Variants in PLA2G4E observed in about 807,000 individuals in gnomAD.
The protein encoded by PLA2G4E is phospholipase A2 group IVE.
In PLA2G4E, 84 loss-of-function variants were observed where a neutral mutation model predicts 109.1. That is an observed-to-expected ratio of 0.77 (90% CI 0.65 to 0.92). The LOEUF (loss-of-function observed/expected upper bound fraction) is 0.92. Ranked by LOEUF, PLA2G4E falls within the 40% of genes least tolerant of loss-of-function variation. The pLI is 0.00. For missense variants in PLA2G4E, 1,057 were observed against 1,076.6 expected (o/e 0.98, Z 0.25); for synonymous variants, 469 against 436.1 (o/e 1.08, Z -0.94).
At chr15:42,038,926 C>T (rs186295919) in intron 1 of PLA2G4E, among the ~76,000 whole-genome samples, 5 of 152,272 alleles carry the variant, frequency 3.3e-5, no homozygotes, top group Non-Finnish European at 7.3e-5. Context: ...TTGGGCTATA[C>T]GATGGGGTAT....
At chr15:42,032,786 T>A (rs572499162) in intron 1 of PLA2G4E, among the ~76,000 whole-genome samples, 3 of 152,264 alleles carry the variant, frequency 2.0e-5, no homozygotes, top group Admixed American at 6.5e-5. Context: ...AGACTAAAAA[T>A]TGTGTTTGAT....
intron 1 of PLA2G4E, among the ~76,000 whole-genome samples, chr15:42,026,122 A>G (rs895065414): frequency 9.2e-5 from 14 of 152,192 alleles, no homozygotes; most frequent in African/African-American, 3.4e-4. Context: ...CTTAATAAAT[A>G]TTCATGCATA....
intron 14 of PLA2G4E, among the ~76,000 whole-genome samples, 195 bp from the exon 15 acceptor site, chr15:41,989,747 G>A (rs571939834): frequency 8.5e-5 from 13 of 152,316 alleles, no homozygotes; most frequent in Non-Finnish European, 1.6e-4. Context: ...GCTTTGCCAT[G>A]CTTTGCAAGG....
chr15:42,003,862 C>CCTTTCTTT, intron 5 of PLA2G4E, among the ~76,000 whole-genome samples: 1 of 150,424 alleles, frequency 6.6e-6, no homozygotes, highest in East Asian at 2.0e-4. Flanking sequence ...GCGGGGGTTG[C>CCTTTCTTT]CTTTCTTTCT....
Position 42,007,689 on chromosome 15 carries a change from A to G in PLA2G4E, c.393+40T>C, listed in dbSNP as rs2141050107. On this transcript the variant is annotated intron_variant, in intron 3 of 19. Coordinates refer to ENST00000399518, the Ensembl canonical transcript of PLA2G4E. ...GACAAGTGGGCAAGAGGGGAGTAAA[A>G]TGCAGACAGGGAAGACAGGTGCAGT... is the stretch of plus-strand genomic sequence containing the variant. The G allele has an allele frequency of 5.0e-6, 8 of 1,596,480 alleles. No homozygotes were observed. In the East Asian group the frequency reaches 9.0e-5, roughly 18 times the overall value.
At chr15:42,043,564 C>CAAAAAAAAA (rs58079481) in intron 1 of PLA2G4E, among the ~76,000 whole-genome samples, 9 of 95,320 alleles carry the variant, frequency 9.4e-5, no homozygotes, top group Admixed American at 1.2e-4. Flanking sequence ...ATGGAGGATA[C>CAAAAAAAAA]AAAAAAAAAA....
chr15:41,992,083 C>T (rs1448507301), intron 13 of PLA2G4E, among the ~76,000 whole-genome samples: 1 of 152,170 alleles, frequency 6.6e-6, no homozygotes, highest in Non-Finnish European at 1.5e-5. Context: ...ATCACTGGAT[C>T]TCAGAATAGG....
intron 1 of PLA2G4E, among the ~76,000 whole-genome samples, chr15:42,036,636 T>C (rs2141074093): frequency 6.6e-6 from 1 of 152,256 alleles, no homozygotes; most frequent in Admixed American, 6.5e-5. Flanking sequence ...GGACCGCCCC[T>C]GGTTGCCAGG....
chr15:42,032,506 T>A (rs1889130680), intron 1 of PLA2G4E, among the ~76,000 whole-genome samples: 1 of 152,210 alleles, frequency 6.6e-6, no homozygotes, highest in Admixed American at 6.5e-5. Flanking sequence ...AGGCCTTGGC[T>A]CCCTACTGAC....
intron 12 of PLA2G4E, among the ~76,000 whole-genome samples, chr15:41,995,055 G>T (rs890348953): frequency 6.6e-6 from 1 of 152,246 alleles, no homozygotes; most frequent in African/African-American, 2.4e-5. Context: ...ACAGCCCCAG[G>T]GAAACAGTAA....
chr15:41,986,915 G>C (rs1036413884), intron 17 of PLA2G4E: 15 of 522,520 alleles, frequency 2.9e-5, no homozygotes, highest in Non-Finnish European at 4.8e-5. Flanking sequence ...CTACCTGCTA[G>C]GACTGTTGTA....
At chr15:42,025,302 T>A (rs570789308) in intron 1 of PLA2G4E, among the ~76,000 whole-genome samples, 13 of 152,244 alleles carry the variant, frequency 8.5e-5, no homozygotes, top group African/African-American at 3.1e-4. Context: ...AAAACAAACC[T>A]GAGAGGGGCT....
exon 13 of PLA2G4E, chr15:41,992,944 C>T: frequency 6.2e-6 from 10 of 1,612,216 alleles, no homozygotes; most frequent in Non-Finnish European, 8.5e-6. Context: ...GGTCACGGTA[C>T]AAGGTAGCCA....
At chr15:41,989,817 G>C (rs184048196) in intron 14 of PLA2G4E, among the ~76,000 whole-genome samples, 1 of 152,362 alleles carries the variant, frequency 6.6e-6, no homozygotes, top group Non-Finnish European at 1.5e-5. Flanking sequence ...CCCTGAAGCA[G>C]GGCAGCTCTC....
At position 42,033,708 on chromosome 15, in the gene PLA2G4E, G is replaced by T. The variant is rs74008953; in HGVS notation, c.183+16813C>A. On this transcript the variant is annotated intron_variant, in intron 1 of 19. Coordinates refer to ENST00000399518, the Ensembl canonical transcript of PLA2G4E. ...CACCAAAGGCAGAAGAGGGTCCTCTGGTCTGTGAGGAGCAGGAGAGGGACA... is the reference window on the plus strand; with the variant it reads ...CACCAAAGGCAGAAGAGGGTCCTCTTGTCTGTGAGGAGCAGGAGAGGGACA... Among the ~76,000 whole-genome samples the T allele has an allele frequency of 8.2e-3, 1,253 of 152,280 alleles. 20 individuals carry two copies. The highest frequency in any genetic ancestry group is 0.029 in the African/African-American group (1,203 of 41,542).
intron 1 of PLA2G4E, among the ~76,000 whole-genome samples, chr15:42,049,591 C>G (rs1233269321): frequency 6.6e-6 from 1 of 152,126 alleles, no homozygotes; most frequent in Non-Finnish European, 1.5e-5. Context: ...TGGATCCAGA[C>G]AAGGTGACTC....
chr15:42,023,594 T>A (rs1415826390), intron 1 of PLA2G4E, among the ~76,000 whole-genome samples: 1 of 151,006 alleles, frequency 6.6e-6, no homozygotes, highest in Non-Finnish European at 1.5e-5. Flanking sequence ...AGTCCAGGAG[T>A]TTCTGTGGCA....
At chr15:42,007,616 G>C in intron 3 of PLA2G4E, 113 bp downstream of exon 3, 1 of 1,317,112 alleles carries the variant, frequency 7.6e-7, no homozygotes, top group Non-Finnish European at 1.0e-6. Context: ...ACAAGAAGTA[G>C]GCAGAAAGGA....
intron 1 of PLA2G4E, among the ~76,000 whole-genome samples, chr15:42,041,002 A>G (rs1047778579): frequency 2.0e-5 from 3 of 152,248 alleles, no homozygotes; most frequent in Non-Finnish European, 4.4e-5. Context: ...TTCATTTATC[A>G]GATTGGCAAG....
Sources: gnomAD v4.1 joint callset for allele counts (sites outside exome capture counted in the v4.1 genomes callset) on GRCh38, gnomAD v4.1.1 for gene constraint, MANE v1.5 for transcripts, NCBI Gene and HGNC (gene_info 2026-07-23, HGNC 2026-07-21) for gene names.